Variants in MTA3 observed in about 807,000 individuals in gnomAD.
MTA3 encodes metastasis-associated protein MTA3.
A neutral mutation model predicts 83.5 loss-of-function variants in MTA3; 34 were observed. The observed-to-expected ratio is 0.41, with a 90% CI of 0.31 to 0.54. The LOEUF is 0.54. Ranked by LOEUF, MTA3 falls within the 20% of genes least tolerant of loss-of-function variation. The pLI, the probability that MTA3 is intolerant of heterozygous loss-of-function variation, is 0.33. For missense variants in MTA3, 761 were observed against 726.4 expected, an observed-to-expected ratio of 1.05 and a Z score of -0.55; for synonymous variants, 303 against 252.7, an observed-to-expected ratio of 1.20 and a Z score of -1.89.
intron 8 of MTA3, among the ~76,000 whole-genome samples, chr2:42,677,626 G>A (rs1405380321): frequency 6.6e-6 from 1 of 152,134 alleles, no homozygotes; most frequent in Non-Finnish European, 1.5e-5. Context: ...TTACGGGTAT[G>A]AGCCACCGTA....
At chr2:42,596,348 T>G (rs1681788843) in intron 3 of MTA3, among the ~76,000 whole-genome samples, 1 of 152,228 alleles carries the variant, frequency 6.6e-6, no homozygotes, top group Non-Finnish European at 1.5e-5. Flanking sequence ...TGATTGGAGT[T>G]GGCATAAAAT....
intron 14 of MTA3, chr2:42,709,367 AT>A: frequency 8.4e-7 from 1 of 1,197,342 alleles, no homozygotes; most frequent in Non-Finnish European, 1.1e-6. Flanking sequence ...ATCCTATTCC[AT>A]GGGGTTTTGT....
At chr2:42,507,943 CAAAA>C (rs200599468) in intron 2 of MTA3, among the ~76,000 whole-genome samples, 1 of 113,536 alleles carries the variant, frequency 8.8e-6, no homozygotes, top group Non-Finnish European at 1.9e-5. Context: ...GAGTCTGTCT[CAAAA>C]AAAAAAAAAA....
At chr2:42,695,216 A>G (rs1272760532) in intron 9 of MTA3, among the ~76,000 whole-genome samples, 1 of 152,200 alleles carries the variant, frequency 6.6e-6, no homozygotes, top group Non-Finnish European at 1.5e-5. Flanking sequence ...AATGTGTTGT[A>G]TTCACATTCC....
In MTA3 at chr2:42,659,871, T is replaced by C. The variant is rs766949596; in HGVS notation, c.702+9T>C. 31 of 1,587,904 alleles carry C rather than the reference T, an allele frequency of 2.0e-5. No individual in the cohort carries two copies. The highest frequency in any genetic ancestry group is 4.6e-5 in the East Asian group (2 of 43,952). On this transcript the variant is annotated intron_variant, in intron 8 of 16. Transcript: ENST00000405094. The stretch of plus-strand genomic sequence containing the variant: ...CCCGAGACATCACCTTGGTAAGACA[T>C]GGTTTGAAATTTTGTGGGTATTTAT...
chr2:42,514,529 G>A (rs889230676), intron 2 of MTA3, among the ~76,000 whole-genome samples: 4 of 150,042 alleles, frequency 2.7e-5, no homozygotes, highest in African/African-American at 7.4e-5. Flanking sequence ...GATTACAGGC[G>A]CCCACCACCA....
At chr2:42,615,681 A>T (rs554685338) in intron 4 of MTA3, among the ~76,000 whole-genome samples, 12 of 143,160 alleles carry the variant, frequency 8.4e-5, no homozygotes, top group African/African-American at 3.1e-4. Context: ...TTAAGGAAAT[A>T]AGTCACCACA....
At chr2:42,582,864 C>G (rs1679827830) in intron 3 of MTA3, among the ~76,000 whole-genome samples, 3 of 152,132 alleles carry the variant, frequency 2.0e-5, no homozygotes, top group African/African-American at 4.8e-5. Flanking sequence ...TAGTAGCCAT[C>G]ATGCATTTTT....
rs1193739999 is a variant in MTA3, at chr2:42,672,631, C to CTA, written c.703-9770_703-9769insTA. Among the ~76,000 whole-genome samples the CTA allele has an allele frequency of 7.5e-5, 7 of 93,814 alleles. No homozygotes were observed. The Admixed American group carries it at 1.3e-3, about 17-fold the overall frequency. 61.5% of individuals were successfully genotyped at this position (93,814 alleles called of 152,430 possible). On this transcript the variant is annotated intron_variant, in intron 8 of 16. Transcript: ENST00000405094. The stretch of plus-strand genomic sequence containing the variant: ...CTGAACTCTAGCCCGGGTCACAGAG[C>CTA]AAGATTCCATCTCCAAAAAAAAAAA...
In MTA3 at chr2:42,534,404, T is replaced by A. The variant is rs111734936; in HGVS notation, c.-140-36033T>A. The stretch of plus-strand genomic sequence containing the variant: ...TGAGGTCAGGAGTTCAAGACCAGCC[T>A]GGCCAACACGGCAAAACCCCGTCTC... On this transcript the variant is annotated intron_variant, in intron 2 of 17. Coordinates refer to the MTA3 transcript ENST00000405592. 4.0e-3 allele frequency among the ~76,000 whole-genome samples: 603 copies of A among 152,264 alleles called. 5 individuals are homozygous for A. Among genetic ancestry groups the A allele is most frequent in the African/African-American group, 0.013 (534 of 41,548 alleles).
intron 16 of MTA3, among the ~76,000 whole-genome samples, chr2:42,736,156 T>C (rs1489918491): frequency 6.6e-6 from 1 of 152,214 alleles, no homozygotes; most frequent in East Asian, 1.9e-4. Context: ...CATACCTGCA[T>C]TAGGGGGCAC....
chr2:42,692,208 A>G (rs547614999), intron 9 of MTA3, among the ~76,000 whole-genome samples: 16 of 152,096 alleles, frequency 1.1e-4, no homozygotes, highest in Non-Finnish European at 2.2e-4. Context: ...GCCTGTCTTC[A>G]GGCTCAATAA....
intron 4 of MTA3, among the ~76,000 whole-genome samples, chr2:42,615,277 T>C (rs1684720070): frequency 6.6e-6 from 1 of 151,508 alleles, no homozygotes; most frequent in African/African-American, 2.4e-5. Flanking sequence ...TTTTTTTTAA[T>C]GTTTACTATG....
At chr2:42,530,411 C>G (rs1675907122) in intron 2 of MTA3, among the ~76,000 whole-genome samples, 2 of 151,464 alleles carry the variant, frequency 1.3e-5, no homozygotes, top group Non-Finnish European at 2.9e-5. Context: ...GGCGTGAACC[C>G]AGGAGGCGGA....
intron 16 of MTA3, among the ~76,000 whole-genome samples, chr2:42,743,663 C>T (rs1332482732): frequency 6.6e-6 from 1 of 152,160 alleles, no homozygotes; most frequent in African/African-American, 2.4e-5. Context: ...GTAGATGACT[C>T]TGTAAGTACA....
chr2:42,599,923 A>G lies in MTA3; in HGVS notation c.191-9535A>G, dbSNP rs188239424. The stretch of plus-strand genomic sequence containing the variant: ...TAAAAAACTTGCTTATGGGCCAGGC[A>G]TGGTGGCTCACGCTTGTAATCCCAG... On this transcript the variant is annotated intron_variant, in intron 3 of 16. Transcript: ENST00000405094. 1.9e-3 allele frequency among the ~76,000 whole-genome samples: 292 copies of G among 152,078 alleles called. 2 individuals are homozygous for G. Among genetic ancestry groups the G allele is most frequent in the African/African-American group, 6.7e-3 (277 of 41,482 alleles).
chr2:42,744,926 C>G lies in MTA3; in HGVS notation c.1760-8448C>G, dbSNP rs558232169. On this transcript the variant is annotated intron_variant, in intron 16 of 16. Transcript: ENST00000405094. ...GAGAAGCCTTCTGAATCTGCAGGGC[C>G]CCCAGGGCAATGGAAATGGAAGAAT... Among the ~76,000 whole-genome samples, 7 of 152,246 alleles carry G rather than the reference C, an allele frequency of 4.6e-5. 1 individual carries two copies. The South Asian group carries it at 1.5e-3, about 32-fold the overall frequency.
intron 16 of MTA3, among the ~76,000 whole-genome samples, chr2:42,741,344 G>T (rs887427372): frequency 3.3e-5 from 5 of 152,182 alleles, no homozygotes; most frequent in Non-Finnish European, 5.9e-5. Flanking sequence ...TCATTCATAT[G>T]TTCACTGGAG....
At chr2:42,720,251 C>T (rs1368089495) in intron 15 of MTA3, among the ~76,000 whole-genome samples, 3 of 152,000 alleles carry the variant, frequency 2.0e-5, no homozygotes, top group East Asian at 1.9e-4. Flanking sequence ...GGCGCAATCT[C>T]GGCTCACTGC....
Sources: gnomAD v4.1 joint callset for allele counts (sites outside exome capture counted in the v4.1 genomes callset) on GRCh38, gnomAD v4.1.1 for gene constraint, MANE v1.5 for transcripts, NCBI Gene and HGNC (gene_info 2026-07-23, HGNC 2026-07-21) for gene names.